Variants in RAP1GDS1 observed in about 807,000 individuals in gnomAD.
RAP1GDS1 encodes Rap1 GTPase-GDP dissociation stimulator 1.
RAP1GDS1 carries 35 observed loss-of-function variants against 71.1 expected under a neutral mutation model. The observed-to-expected ratio is 0.49, with a 90% CI of 0.38 to 0.65. The LOEUF (loss-of-function observed/expected upper bound fraction) is 0.65, where lower values mean the gene tolerates loss of function less well. Among genes scored for constraint, RAP1GDS1 ranks in the 30% least tolerant of loss-of-function variants. The pLI, the probability that RAP1GDS1 is intolerant of heterozygous loss-of-function variation, is 0.00. For missense variants in RAP1GDS1, 663 were observed against 706.1 expected, an observed-to-expected ratio of 0.94 and a Z score of 0.69; for synonymous variants, 229 against 243.1, an observed-to-expected ratio of 0.94 and a Z score of 0.54.
At chr4:98,289,312 T>C (rs1726542167) in intron 1 of RAP1GDS1, among the ~76,000 whole-genome samples, 1 of 152,110 alleles carries the variant, frequency 6.6e-6, no homozygotes, top group South Asian at 2.1e-4. Flanking sequence ...GAAAGCTTCA[T>C]GCAAGACTTG....
At chr4:98,325,673 CA>C (rs1454659549) in intron 2 of RAP1GDS1, among the ~76,000 whole-genome samples, 1 of 147,768 alleles carries the variant, frequency 6.8e-6, no homozygotes, top group Non-Finnish European at 1.5e-5. Flanking sequence ...ATCGCAAGAA[CA>C]AAAAACCAAA....
chr4:98,406,497 G>A lies in RAP1GDS1; in HGVS notation c.763+1895G>A, dbSNP rs191839989. On this transcript the variant is annotated intron_variant, in intron 7 of 14. Transcript: ENST00000408927. ...CAATTTACCTAGAAAAAAAATAACC[G>A]TTATACATTATCCCAAAACATACGG... 5.7e-3 allele frequency among the ~76,000 whole-genome samples: 870 copies of A among 152,004 alleles called. 6 individuals carry two copies. The highest frequency in any genetic ancestry group is 9.7e-3 in the Non-Finnish European group (660 of 67,898).
chr4:98,361,070 C>G (rs1189604857), intron 4 of RAP1GDS1, among the ~76,000 whole-genome samples: 2 of 137,650 alleles, frequency 1.5e-5, no homozygotes, highest in Non-Finnish European at 3.0e-5. Context: ...GAGTGAGACT[C>G]TGTCTCAAAA....
chr4:98,392,663 T>TGCA (rs1743888947), intron 6 of RAP1GDS1, among the ~76,000 whole-genome samples: 1 of 152,094 alleles, frequency 6.6e-6, no homozygotes, highest in Non-Finnish European at 1.5e-5. Context: ...ATCATGCCAC[T>TGCA]GCACTCCAGC....
chr4:98,317,826 A>AT (rs959290830), intron 2 of RAP1GDS1, among the ~76,000 whole-genome samples: 403 of 142,970 alleles, frequency 2.8e-3, no homozygotes, highest in African/African-American at 9.1e-3. Context: ...ATATATATAT[A>AT]TTTTTTTTTC....
At chr4:98,345,744 A>G (rs943300937) in intron 3 of RAP1GDS1, among the ~76,000 whole-genome samples, 1 of 152,212 alleles carries the variant, frequency 6.6e-6, no homozygotes, top group Non-Finnish European at 1.5e-5. Context: ...TAGAGGCTAA[A>G]TATCTTACCT....
rs577196844 is a variant in RAP1GDS1, at chr4:98,375,899, T to C, written c.362-3118T>C. ...TTCAGTGGCTGTATTTTAGGTCTTTTCCTCACCCTTAGTGTATAACTTGTA... is the reference window on the plus strand; with the variant it reads ...TTCAGTGGCTGTATTTTAGGTCTTTCCCTCACCCTTAGTGTATAACTTGTA... On this transcript the variant is annotated intron_variant, in intron 4 of 14. Transcript: ENST00000408927. Among the ~76,000 whole-genome samples the C allele has an allele frequency of 5.3e-5, 8 of 152,302 alleles. No homozygotes were observed. The South Asian group carries it at 1.7e-3, about 32-fold the overall frequency.
At chr4:98,326,068 C>T (rs1222520368) in intron 2 of RAP1GDS1, among the ~76,000 whole-genome samples, 1 of 152,112 alleles carries the variant, frequency 6.6e-6, no homozygotes, top group Non-Finnish European at 1.5e-5. Flanking sequence ...CTCATCTGTT[C>T]AGTAACAATC....
intron 7 of RAP1GDS1, among the ~76,000 whole-genome samples, chr4:98,413,080 C>T (rs1022974513): frequency 2.0e-5 from 3 of 152,188 alleles, no homozygotes; most frequent in East Asian, 3.9e-4. Context: ...GGATCTTTTC[C>T]GCACCCTAAT....
chr4:98,282,483 A>G (rs556644477), intron 1 of RAP1GDS1, among the ~76,000 whole-genome samples: 1 of 151,366 alleles, frequency 6.6e-6, no homozygotes, highest in African/African-American at 2.4e-5. Context: ...TAATGTGTCT[A>G]TTTGATTCTG....
chr4:98,319,252 A>G (rs1431011035), intron 2 of RAP1GDS1, among the ~76,000 whole-genome samples: 1 of 152,160 alleles, frequency 6.6e-6, no homozygotes, highest in Non-Finnish European at 1.5e-5. Flanking sequence ...GAATCTAGTA[A>G]CTTTCTTTTG....
intron 2 of RAP1GDS1, among the ~76,000 whole-genome samples, chr4:98,325,774 G>A (rs1420339310): frequency 8.3e-6 from 1 of 120,898 alleles, no homozygotes; most frequent in African/African-American, 3.1e-5. Flanking sequence ...GACTGTGGTG[G>A]GGTGGGGGGA....
At chr4:98,307,391 G>A (rs1729481077) in intron 2 of RAP1GDS1, among the ~76,000 whole-genome samples, 1 of 151,906 alleles carries the variant, frequency 6.6e-6, no homozygotes, top group Admixed American at 6.6e-5. Context: ...TGTTATATCA[G>A]AAATTTTGTA....
chr4:98,276,349 C>A (rs1419350998), intron 1 of RAP1GDS1, among the ~76,000 whole-genome samples: 1 of 152,088 alleles, frequency 6.6e-6, no homozygotes, highest in Non-Finnish European at 1.5e-5. Context: ...AACAAGTACT[C>A]TTTCTAAAAT....
intron 2 of RAP1GDS1, among the ~76,000 whole-genome samples, chr4:98,317,574 C>T (rs1424692421): frequency 6.6e-6 from 1 of 151,956 alleles, no homozygotes; most frequent in Non-Finnish European, 1.5e-5. Flanking sequence ...TTTTTGAAGA[C>T]GAGACTGAAC....
At chr4:98,377,603 G>A (rs1741344775) in intron 4 of RAP1GDS1, among the ~76,000 whole-genome samples, 1 of 149,820 alleles carries the variant, frequency 6.7e-6, no homozygotes, top group Non-Finnish European at 1.5e-5. Context: ...TATGAACATA[G>A]TATTTCTGAG....
At chr4:98,393,872 GTTTAC>G (rs978096825) in intron 6 of RAP1GDS1, among the ~76,000 whole-genome samples, 3 of 152,090 alleles carry the variant, frequency 2.0e-5, no homozygotes, top group African/African-American at 4.8e-5. Flanking sequence ...ATATTAAAAT[GTTTAC>G]TTTTTAACTT....
rs1176531605 is a variant in RAP1GDS1 at position 98,379,035 on chromosome 4, T to G, written c.380T>G (p.Val127Gly). ...CYDSHEGRSA[V>G]DQAGGAQIVI... ...TTTACAGATGAGGGCAGAAGTGCAGTTGACCAAGCAGGTGGTGCACAGATT... is the reference window on the plus strand; with the variant it reads ...TTTACAGATGAGGGCAGAAGTGCAGGTGACCAAGCAGGTGGTGCACAGATT... The change falls in exon 5 of 15, where the codon GTT (valine) becomes GGT (glycine). Residue 127 changes from valine (V) to glycine (G), a missense_variant. Coordinates refer to ENST00000408927, the MANE Select transcript of RAP1GDS1 (RefSeq NM_001100427.2). 4.4e-6 allele frequency: 7 copies of G among 1,601,500 alleles called. No homozygotes were observed. Among genetic ancestry groups the G allele is most frequent in the Non-Finnish European group, 5.1e-6 (6 of 1,174,904 alleles).
At chr4:98,411,674 T>C (rs1380765010) in intron 7 of RAP1GDS1, among the ~76,000 whole-genome samples, 1 of 152,178 alleles carries the variant, frequency 6.6e-6, no homozygotes, top group African/African-American at 2.4e-5. Flanking sequence ...TTATTACTGT[T>C]TTCCCCTCTG....
Sources: allele counts gnomAD v4.1 joint callset (sites outside exome capture counted in the v4.1 genomes callset), GRCh38; gene constraint gnomAD v4.1.1; transcripts MANE v1.5; gene names NCBI Gene and HGNC (gene_info 2026-07-23, HGNC 2026-07-21).